The following RFC1 variants were observed in gnomAD, a reference collection of about 807,000 sequenced individuals.
The protein encoded by RFC1 is A1 140 kDa subunit.
In RFC1, 37 loss-of-function variants were observed where a neutral mutation model predicts 137.4. That is an observed-to-expected ratio of 0.27 (90% confidence interval 0.21 to 0.35). RFC1 has a LOEUF of 0.35. Among genes scored for constraint, RFC1 ranks in the 10% least tolerant of loss-of-function variants. The pLI is 1.00. For missense variants in RFC1, 1,205 were observed against 1,358.5 expected, an observed-to-expected ratio of 0.89 and a Z score of 1.78; for synonymous variants, 429 against 455.7, an observed-to-expected ratio of 0.94 and a Z score of 0.75.
intron 1 of RFC1, among the ~76,000 whole-genome samples, chr4:39,361,932 G>A (rs1018424467): frequency 1.2e-4 from 18 of 151,954 alleles, no homozygotes; most frequent in Admixed American, 7.9e-4. Flanking sequence ...CCAGCTACTC[G>A]GGAGGCTGAG....
chr4:39,341,153 C>G (rs1012061437), intron 4 of RFC1, among the ~76,000 whole-genome samples: 1 of 152,196 alleles, frequency 6.6e-6, no homozygotes, highest in African/African-American at 2.4e-5. Flanking sequence ...AAGATAACAA[C>G]AGCCCTGATC....
At chr4:39,307,735 C>CAAAAAAAAAA (rs5857671) in intron 13 of RFC1, among the ~76,000 whole-genome samples, 1 of 148,316 alleles carries the variant, frequency 6.7e-6, no homozygotes, top group Non-Finnish European at 1.5e-5. Flanking sequence ...CAAAACAAAA[C>CAAAAAAAAAA]AAAAAAAAAA....
At chr4:39,358,435 T>C (rs766832661) in intron 1 of RFC1, among the ~76,000 whole-genome samples, 13 of 152,246 alleles carry the variant, frequency 8.5e-5, no homozygotes, top group Non-Finnish European at 1.5e-4. Context: ...TTTTACCTTC[T>C]AGTTTATTTG....
chr4:39,319,739 G>A (rs1051573637), intron 9 of RFC1, among the ~76,000 whole-genome samples: 6 of 152,230 alleles, frequency 3.9e-5, no homozygotes, highest in African/African-American at 1.4e-4. Flanking sequence ...ACCACAGACA[G>A]TACCAAACTA....
chr4:39,302,212 A>T, intron 19 of RFC1, 66 bp downstream of exon 19: 1 of 957,396 alleles, frequency 1.0e-6, no homozygotes, highest in Non-Finnish European at 1.7e-6. Context: ...ACTTCTATCA[A>T]GCTACCTACA....
intron 9 of RFC1, among the ~76,000 whole-genome samples, chr4:39,317,451 T>A (rs1417362304): frequency 5.9e-5 from 9 of 152,188 alleles, no homozygotes; most frequent in African/African-American, 2.2e-4. Context: ...TGACCTTCCA[T>A]GCCCCTAAAG....
chr4:39,316,007 G>A (rs1025038842), intron 10 of RFC1, among the ~76,000 whole-genome samples: 1 of 152,118 alleles, frequency 6.6e-6, no homozygotes, highest in African/African-American at 2.4e-5. Context: ...AAGGCAGGCA[G>A]ATCACCTGAG....
At chr4:39,330,585 C>G (rs190654983) in intron 4 of RFC1, among the ~76,000 whole-genome samples, 41 of 152,286 alleles carry the variant, frequency 2.7e-4, no homozygotes, top group Middle Eastern at 3.4e-3. Context: ...GTGGGGCCAA[C>G]TTTATCCTTG....
At chr4:39,306,747 A>C (rs1381339105) in intron 13 of RFC1, 46 bp from the exon 14 acceptor site, 3 of 1,083,852 alleles carry the variant, frequency 2.8e-6, no homozygotes, top group Non-Finnish European at 4.3e-6. Context: ...ATATCACCTA[A>C]CAGAAATTCA....
At chr4:39,311,584 T>A (rs763016231) in intron 11 of RFC1, 35 bp from the exon 12 acceptor site, 2 of 1,534,520 alleles carry the variant, frequency 1.3e-6, no homozygotes, top group Admixed American at 1.7e-5. Flanking sequence ...CAAAACTGCA[T>A]CCTGCATCCT....
chr4:39,345,363 A>C, intron 3 of RFC1, 38 bp downstream of exon 3: 1 of 1,547,216 alleles, frequency 6.5e-7, no homozygotes, highest in South Asian at 1.1e-5. Context: ...ATATACAATA[A>C]CTTTAAAATT....
rs17335452 is a variant in RFC1, at chr4:39,295,708, G to T, written c.2860C>A (p.Gln954Lys). 1.5e-3 allele frequency: 2,452 copies of T among 1,613,698 alleles called. 36 individuals carry two copies. In the African/African-American group the frequency reaches 0.029, roughly 19 times the overall value. The stretch of plus-strand genomic sequence containing the variant: ...AGCCAGCTTGGGAAGGTGGGAAACT[G>T]GGTCATGTACCCCCTCATCAACTCT... ...PGELMRGYMTQFPTFPSWLGK... is the reference protein window; with the variant it reads ...PGELMRGYMTKFPTFPSWLGK... Residue 954 changes from glutamine (Q) to lysine (K), a missense_variant, in exon 22 of 25, where the codon CAG becomes AAG. Coordinates refer to ENST00000349703, the MANE Select transcript of RFC1 (RefSeq NM_002913.5).
chr4:39,296,966 C>T (rs911582616), intron 21 of RFC1, among the ~76,000 whole-genome samples: 3 of 151,724 alleles, frequency 2.0e-5, no homozygotes, highest in Admixed American at 6.6e-5. Flanking sequence ...GAGATGGTAT[C>T]TCATTGTGGT....
chr4:39,303,040 A>C lies in RFC1; in HGVS notation c.2202+20T>G, dbSNP rs1738447656. The C allele has an allele frequency of 6.3e-7, 1 of 1,585,786 alleles. No individual in the cohort carries two copies. The highest frequency in any genetic ancestry group is 1.3e-5 in the African/African-American group (1 of 74,344). The stretch of plus-strand genomic sequence containing the variant: ...TAAATTATCAACAGTGAAACTGCAA[A>C]AATACAGCACTTGAATTACCTGAAT... On this transcript the variant is annotated intron_variant, in intron 16 of 24. Coordinates refer to ENST00000349703, the MANE Select transcript of RFC1 (RefSeq NM_002913.5).
chr4:39,352,113 T>C (rs915286127), intron 1 of RFC1, among the ~76,000 whole-genome samples: 13 of 152,180 alleles, frequency 8.5e-5, no homozygotes, highest in Non-Finnish European at 1.8e-4. Flanking sequence ...TTACTTATTA[T>C]TGATCATACA....
In RFC1 at chr4:39,327,529, T is replaced by C; in HGVS notation, c.559A>G (p.Lys187Glu). 6.2e-7 allele frequency: 1 copy of C among 1,606,880 alleles called. No homozygotes were observed. Among genetic ancestry groups the C allele is most frequent in the South Asian group, 1.1e-5 (1 of 89,500 alleles). ...CTTATATGTAGAACACTTACCTCTT[T>C]TCTTTTGCTTGCCACCATCTTCTTA... ...SNKKMVASKR[K>E]ELSQNTDESG... The change falls in exon 5 of 25, where the codon AAA (lysine) becomes GAA (glutamate). Residue 187 changes from lysine to glutamate, a missense_variant. Lys to Glu is a moderately conservative substitution (Grantham distance 56). Transcript: ENST00000349703.
At position 39,290,012 on chromosome 4, in the gene RFC1, T is replaced by A. The variant is rs765030999; in HGVS notation, c.3196A>T (p.Asn1066Tyr). 3.9e-5 allele frequency: 63 copies of A among 1,613,566 alleles called. No homozygotes were observed. Among genetic ancestry groups the A allele is most frequent in the Non-Finnish European group, 4.9e-5 (58 of 1,179,722 alleles). ...TATGGAGTAAGGTGGGCTTCCTTAT[T>A]GTAAGCTCTTGTGAAGGCTGCTTTC... ...KVKAAFTRAY[N>Y]KEAHLTPYSL... The change falls in exon 24 of 25, where the codon AAT (asparagine) becomes TAT (tyrosine). Residue 1066 changes from asparagine to tyrosine, a missense_variant. Transcript: ENST00000349703.
Position 39,363,519 on chromosome 4 carries a change from G to T in RFC1, c.3+2720C>A, listed in dbSNP as rs144277283. 3.4e-3 allele frequency among the ~76,000 whole-genome samples: 511 copies of T among 152,218 alleles called. 2 individuals are homozygous for T. Among genetic ancestry groups the T allele is most frequent in the African/African-American group, 0.012 (489 of 41,518 alleles). Reference sequence around the variant, plus strand: ...AATACACGTACTTTATTTCTTTATTGATAACTTTTAATTGGAATTTTTGTT... The same window carrying T: ...AATACACGTACTTTATTTCTTTATTTATAACTTTTAATTGGAATTTTTGTT... On this transcript the variant is annotated intron_variant, in intron 1 of 24. Transcript: ENST00000349703.
At chr4:39,347,702 A>G (rs1740925149) in intron 2 of RFC1, among the ~76,000 whole-genome samples, 2 of 152,240 alleles carry the variant, frequency 1.3e-5, no homozygotes, top group Non-Finnish European at 1.5e-5. Context: ...AATAACAATG[A>G]GAGCTGATGA....
Sources: gnomAD v4.1 joint callset for allele counts (sites outside exome capture counted in the v4.1 genomes callset) on GRCh38, gnomAD v4.1.1 for gene constraint, MANE v1.5 for transcripts, NCBI Gene and HGNC (gene_info 2026-07-23, HGNC 2026-07-21) for gene names.